Variants in LIMS1 observed in about 807,000 individuals in gnomAD.
The protein encoded by LIMS1 is LIM and senescent cell antigen-like-containing domain protein 1.
LIMS1 carries 18 observed loss-of-function variants against 44.1 expected under a neutral mutation model. The ratio of observed to expected loss-of-function variants is 0.41; its 90% CI spans 0.28 to 0.61. LIMS1 has a LOEUF of 0.61. Among genes scored for constraint, LIMS1 ranks in the 20% least tolerant of loss-of-function variants. The probability of loss-of-function intolerance (pLI) is 0.32; values close to 1 mark genes in which losing one functional copy is unlikely to be tolerated. For synonymous variants in LIMS1, 93 were observed against 149.1 expected (o/e 0.62, Z 2.74); for missense variants, 201 against 422.0 (o/e 0.48, Z 4.59).
chr2:108,589,988 A>C (rs1287884853), intron 1 of LIMS1, among the ~76,000 whole-genome samples: 2 of 152,150 alleles, frequency 1.3e-5, no homozygotes, highest in African/African-American at 4.8e-5. Context: ...TGTTGGGTGG[A>C]ATTTCCCCCA....
chr2:108,669,163 T>C (rs1691989515), intron 2 of LIMS1, among the ~76,000 whole-genome samples: 1 of 152,166 alleles, frequency 6.6e-6, no homozygotes, highest in African/African-American at 2.4e-5. Context: ...TCCCAGCACT[T>C]TGGGAGGCCA....
intron 1 of LIMS1, among the ~76,000 whole-genome samples, chr2:108,554,816 T>C (rs1338457615): frequency 2.6e-5 from 4 of 152,094 alleles, no homozygotes; most frequent in Admixed American, 2.0e-4. Context: ...CACAAACCAT[T>C]GTTGAATAGC....
At chr2:108,592,485 G>T (rs1407517178) in intron 1 of LIMS1, among the ~76,000 whole-genome samples, 1 of 152,124 alleles carries the variant, frequency 6.6e-6, no homozygotes, top group Admixed American at 6.5e-5. Context: ...GGTGTGTGGA[G>T]AACAGGCAGA....
intron 1 of LIMS1, among the ~76,000 whole-genome samples, chr2:108,571,632 A>G (rs1299451139): frequency 6.6e-6 from 1 of 152,240 alleles, no homozygotes; most frequent in Non-Finnish European, 1.5e-5. Flanking sequence ...TGAACAAGGC[A>G]GTCTGTTTTA....
chr2:108,594,617 T>C (rs1192205598), intron 1 of LIMS1, among the ~76,000 whole-genome samples: 2 of 152,162 alleles, frequency 1.3e-5, no homozygotes, highest in African/African-American at 4.8e-5. Context: ...CCTGTAGAAA[T>C]ACAATGTAAG....
chr2:108,573,337 T>C (rs1421059811), intron 1 of LIMS1, among the ~76,000 whole-genome samples: 1 of 151,708 alleles, frequency 6.6e-6, no homozygotes, highest in Non-Finnish European at 1.5e-5. Context: ...GGTACAGTGA[T>C]CTTTTGGCCA....
At chr2:108,672,089 C>T (rs1383700894) in intron 3 of LIMS1, among the ~76,000 whole-genome samples, 2 of 149,406 alleles carry the variant, frequency 1.3e-5, no homozygotes, top group African/African-American at 4.9e-5. Context: ...ATCGCTTGAA[C>T]CCGGGAGGCA....
At chr2:108,569,512 A>G (rs1485675438) in intron 1 of LIMS1, among the ~76,000 whole-genome samples, 2 of 152,108 alleles carry the variant, frequency 1.3e-5, no homozygotes, top group Non-Finnish European at 2.9e-5. Flanking sequence ...ATTTTTGTAT[A>G]TAATTCATTC....
intron 9 of LIMS1, among the ~76,000 whole-genome samples, chr2:108,682,336 A>G (rs1207595240): frequency 6.6e-6 from 1 of 151,926 alleles, no homozygotes; most frequent in Non-Finnish European, 1.5e-5. Context: ...CGTCTCTACT[A>G]AAAATACAAA....
chr2:108,615,521 T>C (rs1343309528), intron 1 of LIMS1, among the ~76,000 whole-genome samples: 1 of 152,076 alleles, frequency 6.6e-6, no homozygotes, highest in Non-Finnish European at 1.5e-5. Flanking sequence ...TTATCTACTC[T>C]AGAGCTCTTA....
chr2:108,551,350 A>AATGTATT, intron 1 of LIMS1, among the ~76,000 whole-genome samples: 1 of 147,036 alleles, frequency 6.8e-6, no homozygotes, highest in African/African-American at 2.5e-5. Context: ...ATAAATATAT[A>AATGTATT]ATGTATTATG....
At chr2:108,647,469 C>G (rs1440256450) in intron 1 of LIMS1, among the ~76,000 whole-genome samples, 2 of 152,180 alleles carry the variant, frequency 1.3e-5, no homozygotes, top group Non-Finnish European at 2.9e-5. Context: ...TTTTATGAGG[C>G]CAGCATCATC....
At chr2:108,661,368 C>T (rs753793617) in intron 2 of LIMS1, among the ~76,000 whole-genome samples, 3 of 151,398 alleles carry the variant, frequency 2.0e-5, no homozygotes, top group Non-Finnish European at 2.9e-5. Flanking sequence ...TTCTTTAGGC[C>T]TCCAAACATG....
At chr2:108,640,573 C>T (rs1263589549) in intron 1 of LIMS1, among the ~76,000 whole-genome samples, 1 of 152,138 alleles carries the variant, frequency 6.6e-6, no homozygotes, top group Admixed American at 6.5e-5. Flanking sequence ...GCCTGGGGCT[C>T]CTGAGTGGCC....
intron 1 of LIMS1, among the ~76,000 whole-genome samples, chr2:108,645,399 C>T (rs1331806841): frequency 6.6e-6 from 1 of 152,092 alleles, no homozygotes; most frequent in African/African-American, 2.4e-5. Context: ...AACAAAGCTT[C>T]ATAAGCGAAG....
chr2:108,562,830 A>G (rs1385472754), intron 1 of LIMS1, among the ~76,000 whole-genome samples: 1 of 152,230 alleles, frequency 6.6e-6, no homozygotes, highest in Non-Finnish European at 1.5e-5. Flanking sequence ...GATGCCATCT[A>G]GGACTCAAGG....
At chr2:108,586,390 C>T (rs1304640141) in intron 1 of LIMS1, among the ~76,000 whole-genome samples, 1 of 152,138 alleles carries the variant, frequency 6.6e-6, no homozygotes, top group Middle Eastern at 3.2e-3. Flanking sequence ...TATGGACTGA[C>T]ATCAAACAGA....
At chr2:108,578,160 T>C (rs1685740744) in intron 1 of LIMS1, among the ~76,000 whole-genome samples, 1 of 152,182 alleles carries the variant, frequency 6.6e-6, no homozygotes, top group South Asian at 2.1e-4. Context: ...CCACCCGCCT[T>C]GGCCTCCCAA....
At chr2:108,565,880 C>T (rs1685275380) in intron 1 of LIMS1, among the ~76,000 whole-genome samples, 1 of 152,126 alleles carries the variant, frequency 6.6e-6, no homozygotes, top group Non-Finnish European at 1.5e-5. Context: ...TGGAAGTTCC[C>T]ACCAGCCCTT....
Sources: gnomAD v4.1 joint callset for allele counts (sites outside exome capture counted in the v4.1 genomes callset) on GRCh38, gnomAD v4.1.1 for gene constraint, MANE v1.5 for transcripts, NCBI Gene and HGNC (gene_info 2026-07-23, HGNC 2026-07-21) for gene names.